DTX3L: variants seen among roughly 807,000 people sequenced by gnomAD.
DTX3L encodes deltex E3 ubiquitin ligase 3L, also known as E3 ubiquitin-protein ligase DTX3L.
In DTX3L, 34 loss-of-function variants were observed where a neutral mutation model predicts 60.9. The observed-to-expected ratio is 0.56, with a 90% confidence interval of 0.42 to 0.74. The LOEUF (loss-of-function observed/expected upper bound fraction) is 0.74, where lower values mean the gene tolerates loss of function less well. Among genes scored for constraint, DTX3L ranks in the 30% least tolerant of loss-of-function variants. DTX3L has a pLI of 0.00. For missense variants in DTX3L, 810 were observed against 874.0 expected (o/e 0.93, Z 0.92); for synonymous variants, 290 against 316.6 (o/e 0.92, Z 0.89).
chr3:122,567,281 G>C (rs1322573629), intron 2 of DTX3L, among the ~76,000 whole-genome samples: 2 of 152,132 alleles, frequency 1.3e-5, no homozygotes, highest in African/African-American at 2.4e-5. Context: ...TATTTCTAAA[G>C]GGTCACTCTG....
In DTX3L at chr3:122,568,991, A is replaced by C; in HGVS notation, c.902A>C (p.Asn301Thr). The change falls in exon 3 of 5, where the codon AAC becomes ACC. Residue 301 changes from asparagine to threonine, a missense_variant. Asn to Thr is a moderately conservative substitution (Grantham distance 65). Transcript: ENST00000296161. ...RESFASEFQK[N>T]TEPLKQECVS... ...TCTTTTGCTAGTGAATTTCAGAAGA[A>C]CACAGAACCTCTGAAGCAAGAATGT... The C allele has an allele frequency of 1.2e-6, 2 of 1,614,162 alleles. No homozygotes were observed. Among genetic ancestry groups the C allele is most frequent in the Non-Finnish European group, 1.7e-6 (2 of 1,180,046 alleles).
At position 122,569,232 on chromosome 3, in the gene DTX3L, T is replaced by C. The variant is rs751463629; in HGVS notation, c.1143T>C (p.Asp381=). 15 of 1,614,064 alleles carry C rather than the reference T, an allele frequency of 9.3e-6. No homozygotes were observed. Among genetic ancestry groups the C allele is most frequent in the Non-Finnish European group, 1.3e-5 (15 of 1,180,032 alleles). ...ANYMMNVIEV[D]SAHYKLLETE... is the part of the protein sequence containing the mutation. ...ACATGATGAATGTAATTGAGGTTGA[T>C]AGTGCCCACTATAAACTTTTAGAAA... The change falls in exon 3 of 5, where the codon GAT becomes GAC. Residue 381 remains aspartate, a synonymous_variant. Coordinates refer to ENST00000296161, the MANE Select transcript of DTX3L (RefSeq NM_138287.3).
rs1037555549 is a variant in DTX3L at position 122,569,336 on chromosome 3, C to G, written c.1247C>G (p.Thr416Ser). 8 of 1,614,038 alleles carry G rather than the reference C, an allele frequency of 5.0e-6. No individual in the cohort carries two copies. Among genetic ancestry groups the G allele is most frequent in the Non-Finnish European group, 6.8e-6 (8 of 1,180,042 alleles). The change falls in exon 3 of 5, where the codon ACC becomes AGC. Residue 416 changes from threonine to serine, a missense_variant. Transcript: ENST00000296161. Reference sequence around the variant, plus strand: ...AAGGTTTCTGAGAAAGGTCAGAAAACCTGCATTCTGTTTGAATCCAAGGAC... The same window carrying G: ...AAGGTTTCTGAGAAAGGTCAGAAAAGCTGCATTCTGTTTGAATCCAAGGAC... ...CSKVSEKGQK[T>S]CILFESKDRQ... is the part of the protein sequence containing the mutation.
At chr3:122,565,360 A>C (rs1487398137) in intron 1 of DTX3L, among the ~76,000 whole-genome samples, 1 of 151,804 alleles carries the variant, frequency 6.6e-6, no homozygotes, top group Non-Finnish European at 1.5e-5. Flanking sequence ...AATAATACAA[A>C]AATTACCCGG....
rs2080633786 is a variant in DTX3L at position 122,570,037 on chromosome 3, C to T, written c.1935+13C>T. ...AGGCATACAAACAGTAAGTATTTCT[C>T]AAGTCCATGGGTTTCTTGCCACTAT... On this transcript the variant is annotated intron_variant, in intron 3 of 4. Coordinates refer to ENST00000296161, the MANE Select transcript of DTX3L (RefSeq NM_138287.3). 5 of 1,612,154 alleles carry T rather than the reference C, an allele frequency of 3.1e-6. No individual in the cohort carries two copies. Among genetic ancestry groups the T allele is most frequent in the African/African-American group, 1.3e-5 (1 of 74,890 alleles).
Position 122,568,780 on chromosome 3 carries a change from C to CA in DTX3L, c.697dup (p.Ser233LysfsTer5). 3 of 1,613,940 alleles carry CA rather than the reference C, an allele frequency of 1.9e-6. No homozygotes were observed. Among genetic ancestry groups the CA allele is most frequent in the South Asian group, 1.1e-5 (1 of 91,072 alleles). ...TTCTGAACCAGAAACCAAGGCAGAA[C>CA]AAAAAAGCAACTATTTTGAAGTTCC... On this transcript the variant is annotated frameshift_variant, in exon 3 of 5. Coordinates refer to ENST00000296161, the MANE Select transcript of DTX3L (RefSeq NM_138287.3). LOFTEE classifies it high-confidence loss of function.
Position 122,570,598 on chromosome 3 carries a change from C to T in DTX3L, c.2079C>T (p.Arg693=), listed in dbSNP as rs376222511. The T allele has an allele frequency of 7.4e-5, 120 of 1,613,974 alleles. No homozygotes were observed. Among genetic ancestry groups the T allele is most frequent in the East Asian group, 4.5e-4 (20 of 44,882 alleles). Reference sequence around the variant, plus strand: ...TGATTTTTACAGTGGGGTACTCTCGCGTATTAGGAGTCTCAGATGTCATCA... The same window carrying T: ...TGATTTTTACAGTGGGGTACTCTCGTGTATTAGGAGTCTCAGATGTCATCA... The part of the protein sequence containing the change: ...QKLIFTVGYS[R]VLGVSDVITW... The change falls in exon 4 of 5, where the codon CGC becomes CGT. Residue 693 remains arginine (R), a synonymous_variant. Transcript: ENST00000296161.
At position 122,564,418 on chromosome 3, in the gene DTX3L, C is replaced by A. The variant is rs1339513289; in HGVS notation, c.-9C>A. On this transcript the variant is annotated 5_prime_UTR_variant, in exon 1 of 5. Coordinates refer to ENST00000296161, the MANE Select transcript of DTX3L (RefSeq NM_138287.3). The stretch of plus-strand genomic sequence containing the variant: ...CCGGAGCCCCCGCGCCCTCCCGACG[C>A]GCAGAGCCATGGCCTCCCACCTGCG... 3 of 1,604,974 alleles carry A rather than the reference C, an allele frequency of 1.9e-6. No individual in the cohort carries two copies. Among genetic ancestry groups the A allele is most frequent in the East Asian group, 2.3e-5 (1 of 44,292 alleles).
At chr3:122,567,354 G>A (rs2080599162) in intron 2 of DTX3L, among the ~76,000 whole-genome samples, 1 of 152,190 alleles carries the variant, frequency 6.6e-6, no homozygotes. Context: ...CTGGTTAGGA[G>A]GGGTTGCAGT....
Position 122,569,231 on chromosome 3 carries a change from A to C in DTX3L, c.1142A>C (p.Asp381Ala). The change falls in exon 3 of 5, where the codon GAT (aspartate) becomes GCT (alanine). Residue 381 changes from aspartate to alanine, a missense_variant. Asp to Ala is a moderately radical substitution (Grantham distance 126). Transcript: ENST00000296161. ...TACATGATGAATGTAATTGAGGTTG[A>C]TAGTGCCCACTATAAACTTTTAGAA... ...ANYMMNVIEV[D>A]SAHYKLLETE... is the part of the protein sequence containing the mutation. The C allele has an allele frequency of 2.5e-6, 4 of 1,614,212 alleles. No individual in the cohort carries two copies. Among genetic ancestry groups the C allele is most frequent in the Non-Finnish European group, 3.4e-6 (4 of 1,180,026 alleles).
At position 122,572,049 on chromosome 3, in the gene DTX3L, C is replaced by T. The variant is rs533904587; in HGVS notation, c.*302C>T. On this transcript the variant is annotated 3_prime_UTR_variant, in exon 5 of 5. Coordinates refer to ENST00000296161, the MANE Select transcript of DTX3L (RefSeq NM_138287.3). ...TCAGCCTCCCGAGTAGCTGGGACTACAGGCGCCCACCACCATGCCCGGCTA... is the reference window on the plus strand; with the variant it reads ...TCAGCCTCCCGAGTAGCTGGGACTATAGGCGCCCACCACCATGCCCGGCTA... 1.6e-5 allele frequency: 3 copies of T among 185,358 alleles called. No homozygotes were observed. The highest frequency in any genetic ancestry group is 2.7e-4 in the East Asian group (2 of 7,546). The allele number at this position is 185,358 out of a possible 1,614,324, so 11.5% of individuals were successfully genotyped here.
At chr3:122,565,604 A>G (rs991511403) in intron 1 of DTX3L, among the ~76,000 whole-genome samples, 1 of 151,938 alleles carries the variant, frequency 6.6e-6, no homozygotes, top group African/African-American at 2.4e-5. Context: ...CAGTTTTAGA[A>G]ACATGATGTT....
intron 4 of DTX3L, 63 bp downstream of exon 4, chr3:122,570,735 T>A: frequency 6.5e-7 from 1 of 1,545,754 alleles, no homozygotes; most frequent in South Asian, 1.1e-5. Context: ...AATACGGCAA[T>A]TTCTGGATGT....
chr3:122,565,772 G>A, intron 1 of DTX3L, 87 bp from the exon 2 acceptor site: 5 of 1,342,606 alleles, frequency 3.7e-6, no homozygotes, highest in South Asian at 2.5e-5. Context: ...TGCTGGGGCA[G>A]AGTACAGACA....
In DTX3L at chr3:122,568,977, T is replaced by C. The variant is rs762286595; in HGVS notation, c.888T>C (p.Ser296=). The change falls in exon 3 of 5, where the codon AGT becomes AGC. Residue 296 remains serine, a synonymous_variant. Coordinates refer to ENST00000296161, the MANE Select transcript of DTX3L (RefSeq NM_138287.3). ...AAGCAGCTCGTGAGTCTTTTGCTAGTGAATTTCAGAAGAACACAGAACCTC... is the reference window on the plus strand; with the variant it reads ...AAGCAGCTCGTGAGTCTTTTGCTAGCGAATTTCAGAAGAACACAGAACCTC... The part of the protein sequence containing the change: ...DLEAARESFA[S]EFQKNTEPLK... The C allele has an allele frequency of 4.3e-6, 7 of 1,614,034 alleles. No individual in the cohort carries two copies. The highest frequency in any genetic ancestry group is 4.5e-5 in the East Asian group (2 of 44,894).
rs746344506 is a variant in DTX3L, at chr3:122,565,867, A to C, written c.196A>C (p.Arg66=). 3.5e-5 allele frequency: 56 copies of C among 1,613,868 alleles called. 1 individual carries two copies. In the South Asian group the frequency reaches 6.0e-4, roughly 17 times the overall value. ...VEFSERAAKE[R]VLKKGEHQIL... ...TAATGTCTCCACTGAAGCTAAGGAG[A>C]GAGTGTTGAAAAAAGGAGAGCACCA... The change falls in exon 2 of 5, where the codon AGA becomes CGA. Residue 66 remains arginine (R), a synonymous_variant. Transcript: ENST00000296161.
Position 122,569,489 on chromosome 3 carries a change from A to C in DTX3L, c.1400A>C (p.Gln467Pro), listed in dbSNP as rs1430731053. The change falls in exon 3 of 5, where the codon CAG becomes CCG. Residue 467 changes from glutamine to proline, a missense_variant. By Grantham distance (76) the Gln-to-Pro change is moderately conservative. Coordinates refer to ENST00000296161, the MANE Select transcript of DTX3L (RefSeq NM_138287.3). ...SLGKERKHLH[Q>P]TKFADDFRKR... ...GGCAAGGAGAGAAAGCACTTACATC[A>C]GACCAAGTTTGCTGATGACTTTAGA... 2 of 1,614,142 alleles carry C rather than the reference A, an allele frequency of 1.2e-6. No individual in the cohort carries two copies. The highest frequency in any genetic ancestry group is 2.7e-5 in the African/African-American group (2 of 74,944).
intron 3 of DTX3L, 108 bp from the exon 4 acceptor site, chr3:122,570,347 A>G (rs1462402702): frequency 2.7e-6 from 3 of 1,123,068 alleles, no homozygotes; most frequent in Non-Finnish European, 3.9e-6. Flanking sequence ...TAACTTCAAT[A>G]CCTTTCTTGC....
At chr3:122,567,411 G>T (rs1576459004) in intron 2 of DTX3L, among the ~76,000 whole-genome samples, 1 of 152,122 alleles carries the variant, frequency 6.6e-6, no homozygotes, top group East Asian at 1.9e-4. Context: ...TGGCCTTGAT[G>T]GAGGTGTGAG....
Sources: allele counts gnomAD v4.1 joint callset (sites outside exome capture counted in the v4.1 genomes callset), GRCh38; gene constraint gnomAD v4.1.1; transcripts MANE v1.5; gene names NCBI Gene and HGNC (gene_info 2026-07-23, HGNC 2026-07-21).